The following AKAP10 variants were observed in gnomAD, a reference collection of about 807,000 sequenced individuals.
AKAP10 encodes A-kinase anchoring protein 10.
Under a neutral mutation model 80.8 loss-of-function variants are expected in AKAP10, and 24 were observed. The observed-to-expected ratio is 0.30, with a 90% CI of 0.22 to 0.42. The LOEUF (loss-of-function observed/expected upper bound fraction) is 0.42, where lower values mean the gene tolerates loss of function less well. Ranked by LOEUF, AKAP10 falls within the 10% of genes least tolerant of loss-of-function variation. The pLI is 1.00. For synonymous variants in AKAP10, 291 were observed against 277.7 expected (o/e 1.05, Z -0.48); for missense variants, 661 against 794.9 (o/e 0.83, Z 2.03).
intron 1 of AKAP10, among the ~76,000 whole-genome samples, chr17:19,975,734 T>C (rs981684916): frequency 6.6e-6 from 1 of 152,160 alleles, no homozygotes; most frequent in Non-Finnish European, 1.5e-5. Flanking sequence ...GGTTCACTAC[T>C]CAATCGTGAG....
chr17:19,969,939 C>T (rs1036930709), intron 1 of AKAP10, among the ~76,000 whole-genome samples: 1 of 152,192 alleles, frequency 6.6e-6, no homozygotes, highest in Admixed American at 6.5e-5. Flanking sequence ...TCACTTTAAA[C>T]ATTAACTTGT....
intron 1 of AKAP10, among the ~76,000 whole-genome samples, chr17:19,971,141 A>C (rs927660311): frequency 6.6e-6 from 1 of 151,844 alleles, no homozygotes; most frequent in Non-Finnish European, 1.5e-5. Context: ...GTGAGCCACC[A>C]CACCCAGCCA....
At chr17:19,949,509 C>T (rs1330456077) in intron 4 of AKAP10, among the ~76,000 whole-genome samples, 3 of 152,110 alleles carry the variant, frequency 2.0e-5, no homozygotes, top group East Asian at 1.9e-4. Context: ...CGGTGGCTCA[C>T]GCCTGTAATC....
Position 19,908,516 on chromosome 17 carries a change from T to C in AKAP10, c.1983+665A>G, listed in dbSNP as rs118099965. 7.0e-3 allele frequency among the ~76,000 whole-genome samples: 1,068 copies of C among 152,288 alleles called. 1 individual carries two copies. Among genetic ancestry groups the C allele is most frequent in the Non-Finnish European group, 0.012 (834 of 68,032 alleles). ...CACATGCGTTTTCACCCCACACATA[T>C]ACAGATCACTCCTAGGCCAAGGATC... On this transcript the variant is annotated intron_variant, in intron 14 of 14. Transcript: ENST00000225737.
Position 19,958,201 on chromosome 17 carries a change from G to T in AKAP10, c.690C>A (p.Asn230Lys), listed in dbSNP as rs756088785. Residue 230 changes from asparagine (N) to lysine (K), a missense_variant, in exon 4 of 15, where the codon AAC becomes AAA. By Grantham distance (94) the Asn-to-Lys change is moderately conservative. Transcript: ENST00000225737. ...AAAGCAGCAAGTGATTCTGAGTGCT[G>T]TTAGTTCTATTATTCAGGTCAATTC... ...SEGIDLNNRT[N>K]STQNHLLLSQ... is the part of the protein sequence containing the mutation. 1.2e-6 allele frequency: 2 copies of T among 1,614,196 alleles called. No individual in the cohort carries two copies. The highest frequency in any genetic ancestry group is 2.2e-5 in the East Asian group (1 of 44,878).
chr17:19,968,800 G>A (rs1229327634), intron 1 of AKAP10, among the ~76,000 whole-genome samples: 3 of 151,998 alleles, frequency 2.0e-5, no homozygotes, highest in African/African-American at 7.3e-5. Context: ...TATAAAATTA[G>A]GTCAATAATA....
intron 10 of AKAP10, 120 bp from the exon 11 acceptor site, chr17:19,924,637 C>T (rs1175164379): frequency 3.7e-6 from 2 of 533,350 alleles, no homozygotes; most frequent in Non-Finnish European, 6.6e-6. Flanking sequence ...CACTCAACCT[C>T]ATCACTATTA....
intron 12 of AKAP10, among the ~76,000 whole-genome samples, chr17:19,910,894 G>A (rs911711733): frequency 9.9e-5 from 15 of 152,270 alleles, no homozygotes; most frequent in Non-Finnish European, 2.1e-4. Flanking sequence ...ATCACATGCT[G>A]AGAATCATCC....
intron 12 of AKAP10, among the ~76,000 whole-genome samples, chr17:19,911,955 G>T (rs1259726644): frequency 7.1e-6 from 1 of 141,742 alleles, no homozygotes; most frequent in African/African-American, 2.6e-5. Context: ...GTACAGTTTT[G>T]TCTCCCACCA....
At chr17:19,927,256 C>A (rs1468591344) in intron 10 of AKAP10, among the ~76,000 whole-genome samples, 1 of 152,070 alleles carries the variant, frequency 6.6e-6, no homozygotes, top group East Asian at 1.9e-4. Flanking sequence ...ATCACTTCGG[C>A]CCAGGAAGTT....
intron 12 of AKAP10, among the ~76,000 whole-genome samples, chr17:19,911,927 A>T (rs1307536858): frequency 6.8e-6 from 1 of 146,728 alleles, no homozygotes; most frequent in Non-Finnish European, 1.5e-5. Flanking sequence ...ATGACATGTA[A>T]GGGATTTATC....
At chr17:19,961,041 C>G (rs748051074) in intron 3 of AKAP10, among the ~76,000 whole-genome samples, 13 of 151,312 alleles carry the variant, frequency 8.6e-5, no homozygotes, top group Non-Finnish European at 1.9e-4. Context: ...AACAAACAAA[C>G]AAACAAACAA....
At chr17:19,914,628 C>CAA (rs36071856) in intron 12 of AKAP10, among the ~76,000 whole-genome samples, 15,580 of 58,030 alleles carry the variant, frequency 0.27, 1,707 homozygotes, top group Non-Finnish European at 0.32. Flanking sequence ...GACCCTATCT[C>CAA]AAAAAAAAAA....
chr17:19,944,920 G>T (rs2043087464), intron 5 of AKAP10, among the ~76,000 whole-genome samples: 1 of 152,160 alleles, frequency 6.6e-6, no homozygotes, highest in African/African-American at 2.4e-5. Context: ...TATGCAAAGT[G>T]GGTACACAGT....
intron 12 of AKAP10, among the ~76,000 whole-genome samples, chr17:19,916,259 G>T (rs1265610728): frequency 6.6e-6 from 1 of 152,100 alleles, no homozygotes; most frequent in Non-Finnish European, 1.5e-5. Context: ...TGCTTTTCAT[G>T]TAACACATGT....
rs1401620734 is a variant in AKAP10 at position 19,947,472 on chromosome 17, T to C, written c.911A>G (p.Lys304Arg). Reference protein sequence around the residue: ...IEQDAVNTFTKYISPDAAKPI... With the variant: ...IEQDAVNTFTRYISPDAAKPI... Reference sequence around the variant, plus strand: ...TTTAGCAGCATCTGGAGATATATATTTGGTAAAAGTATTCACTGCATCTTG... The same window carrying C: ...TTTAGCAGCATCTGGAGATATATATCTGGTAAAAGTATTCACTGCATCTTG... Residue 304 changes from lysine (K) to arginine (R), a missense_variant, in exon 5 of 15, where the codon AAA (lysine) becomes AGA (arginine). Transcript: ENST00000225737. 1.2e-6 allele frequency: 2 copies of C among 1,613,174 alleles called. No individual in the cohort carries two copies. Among genetic ancestry groups the C allele is most frequent in the Admixed American group, 3.3e-5 (2 of 60,002 alleles).
intron 14 of AKAP10, among the ~76,000 whole-genome samples, chr17:19,908,610 C>T (rs2042656842): frequency 6.6e-6 from 1 of 152,154 alleles, no homozygotes; most frequent in Middle Eastern, 3.2e-3. Flanking sequence ...GCTACCTTAT[C>T]CTACAACTTC....
At chr17:19,928,027 C>T (rs1324148748) in intron 10 of AKAP10, among the ~76,000 whole-genome samples, 1 of 152,090 alleles carries the variant, frequency 6.6e-6, no homozygotes, top group African/African-American at 2.4e-5. Context: ...TGTGACCAGC[C>T]TGGCTAACAT....
chr17:19,955,349 C>T (rs544938039), intron 4 of AKAP10, among the ~76,000 whole-genome samples: 2 of 152,180 alleles, frequency 1.3e-5, no homozygotes, highest in African/African-American at 4.8e-5. Flanking sequence ...CTGTTCTTTA[C>T]CCTTATAGTG....
Sources: allele counts gnomAD v4.1 joint callset (sites outside exome capture counted in the v4.1 genomes callset), GRCh38; gene constraint gnomAD v4.1.1; transcripts MANE v1.5; gene names NCBI Gene and HGNC (gene_info 2026-07-23, HGNC 2026-07-21).